The following FAM98B variants were observed in gnomAD, a reference collection of about 807,000 sequenced individuals.
The protein encoded by FAM98B is tRNA splicing ligase complex subunit 3B.
In FAM98B, 32 loss-of-function variants were observed where a neutral mutation model predicts 43.9. That is an observed-to-expected ratio of 0.73 (90% CI 0.55 to 0.98). FAM98B has a LOEUF of 0.98. FAM98B is among the 50% of genes least tolerant of loss of function. The pLI is 0.00. For missense variants in FAM98B, 514 were observed against 522.9 expected (o/e 0.98, Z 0.17); for synonymous variants, 190 against 174.0 (o/e 1.09, Z -0.72).
chr15:38,475,540 C>G (rs1043030412), intron 6 of FAM98B, among the ~76,000 whole-genome samples: 1 of 152,154 alleles, frequency 6.6e-6, no homozygotes, highest in Admixed American at 6.5e-5. Context: ...TTGGCTTCAT[C>G]TCCTCTCTTC....
rs1336762107 is a variant in FAM98B, at chr15:38,454,138, C to A, written c.-24C>A. ...GTTTCCGGCGGGCTACTTAGAGCGC[C>A]GAACAGCTCTGGGCCAAAGGACCAT... is the stretch of plus-strand genomic sequence containing the variant. On this transcript the variant is annotated 5_prime_UTR_variant, in exon 1 of 8. Transcript: ENST00000397609. The A allele has an allele frequency of 1.9e-6, 3 of 1,583,068 alleles. No individual in the cohort carries two copies. Among genetic ancestry groups the A allele is most frequent in the African/African-American group, 2.7e-5 (2 of 74,724 alleles).
At chr15:38,456,955 G>A (rs1193575553) in intron 1 of FAM98B, among the ~76,000 whole-genome samples, 1 of 152,186 alleles carries the variant, frequency 6.6e-6, no homozygotes, top group Non-Finnish European at 1.5e-5. Context: ...TTTTATTCTT[G>A]ATCATAACAG....
rs1219670438 is a variant in FAM98B at position 38,484,462 on chromosome 15, G to A, written c.1105G>A (p.Gly369Ser). ...WGGGGGGWGG[G>S]GGGGGGWGGG... is the part of the protein sequence containing the mutation. ...GGGTGGAGGAGGAGGTTGGGGAGGT[G>A]GTGGGGGAGGGGGAGGAGGGTGGGG... The change falls in exon 8 of 8, where the codon GGT becomes AGT. Residue 369 changes from glycine (G) to serine (S), a missense_variant. Physicochemically the swap from Gly to Ser is moderately conservative, Grantham distance 56. Coordinates refer to ENST00000397609, the MANE Select transcript of FAM98B (RefSeq NM_173611.4). 23 of 983,992 alleles carry A rather than the reference G, an allele frequency of 2.3e-5. No homozygotes were observed. The highest frequency in any genetic ancestry group is 4.6e-4 in the Middle Eastern group (1 of 2,182). The allele number at this position is 983,992 out of a possible 1,614,324, so 61.0% of individuals were successfully genotyped here.
intron 5 of FAM98B, among the ~76,000 whole-genome samples, chr15:38,473,879 T>C (rs1351719318): frequency 6.6e-6 from 1 of 152,222 alleles, no homozygotes; most frequent in Non-Finnish European, 1.5e-5. Flanking sequence ...CTTTCCTTGT[T>C]GGTCCAGACT....
chr15:38,465,475 A>T, intron 3 of FAM98B, 72 bp downstream of exon 3: 6 of 1,362,978 alleles, frequency 4.4e-6, no homozygotes, highest in Non-Finnish European at 4.0e-6. Context: ...AGATTTATTA[A>T]TGAAGCATTA....
At position 38,465,400 on chromosome 15, in the gene FAM98B, C is replaced by G. The variant is rs141889281; in HGVS notation, c.349C>G (p.Leu117Val). ...LKKKEDCLKL[L>V]LFLSTELQAS... ...AAAGAAGGAGGACTGTTTGAAACTT[C>G]TATGTAAGTTATCTTGAACATTTAA... The change falls in exon 3 of 8, where the codon CTA becomes GTA. Residue 117 changes from leucine to valine, a missense_variant. Transcript: ENST00000397609. 2.5e-6 allele frequency: 4 copies of G among 1,583,122 alleles called. No homozygotes were observed. Among genetic ancestry groups the G allele is most frequent in the Non-Finnish European group, 3.4e-6 (4 of 1,167,160 alleles).
intron 5 of FAM98B, among the ~76,000 whole-genome samples, chr15:38,473,873 C>A (rs2141058829): frequency 6.6e-6 from 1 of 152,262 alleles, no homozygotes; most frequent in South Asian, 2.1e-4. Flanking sequence ...TATTTTCTTT[C>A]CTTGTTGGTC....
At chr15:38,454,936 G>A (rs1889825511) in intron 1 of FAM98B, among the ~76,000 whole-genome samples, 1 of 152,142 alleles carries the variant, frequency 6.6e-6, no homozygotes, top group Admixed American at 6.5e-5. Flanking sequence ...GGAGGTGGGA[G>A]TAATGTTAAT....
At chr15:38,470,483 C>A (rs1194823240) in intron 4 of FAM98B, 78 bp downstream of exon 4, 3 of 1,281,942 alleles carry the variant, frequency 2.3e-6, no homozygotes, top group Non-Finnish European at 3.2e-6. Flanking sequence ...TGAAACTATT[C>A]CCTATAATTA....
At chr15:38,475,210 G>A (rs1416381091) in intron 6 of FAM98B, among the ~76,000 whole-genome samples, 1 of 152,062 alleles carries the variant, frequency 6.6e-6, no homozygotes, top group South Asian at 2.1e-4. Context: ...GGGTTGGGGG[G>A]CAGGGCGATG....
At chr15:38,464,799 G>T (rs1890003751) in intron 2 of FAM98B, among the ~76,000 whole-genome samples, 1 of 152,118 alleles carries the variant, frequency 6.6e-6, no homozygotes, top group African/African-American at 2.4e-5. Context: ...ATGGGGTCTT[G>T]TTATGTTGCA....
intron 1 of FAM98B, among the ~76,000 whole-genome samples, chr15:38,461,814 CTT>C (rs1459556565): frequency 6.6e-6 from 1 of 152,018 alleles, no homozygotes; most frequent in African/African-American, 2.4e-5. Flanking sequence ...AGTTTGACAA[CTT>C]TGATGAATTA....
Position 38,464,735 on chromosome 15 carries a change from G to T in FAM98B, c.218-534G>T, listed in dbSNP as rs1460114947. Among the ~76,000 whole-genome samples, 4 of 152,074 alleles carry T rather than the reference G, an allele frequency of 2.6e-5. No individual in the cohort carries two copies. The East Asian group carries it at 7.7e-4, about 29-fold the overall frequency. ...ATAATAAAAAGAAAAATTAAAAATT[G>T]TGCATTCACAAAAGTAGCTTTTTCT... is the stretch of plus-strand genomic sequence containing the variant. On this transcript the variant is annotated intron_variant, in intron 2 of 7. Coordinates refer to ENST00000397609, the MANE Select transcript of FAM98B (RefSeq NM_173611.4).
At chr15:38,470,430 C>A in intron 4 of FAM98B, 25 bp downstream of exon 4, 1 of 1,555,530 alleles carries the variant, frequency 6.4e-7, no homozygotes, top group Non-Finnish European at 8.7e-7. Flanking sequence ...TTATTTTCCC[C>A]AAAATTCAAC....
rs1436897299 is a variant in FAM98B, at chr15:38,481,448, G to T, written c.886G>T (p.Ala296Ser). The change falls in exon 7 of 8, where the codon GCC becomes TCC. Residue 296 changes from alanine to serine, a missense_variant. Physicochemically the swap from Ala to Ser is moderately conservative, Grantham distance 99 (BLOSUM62 1). Transcript: ENST00000397609. ...CACCAGCCGGGAGAAGACCGCATGTGCCATTAATAAGGTTGGTGTTTCTTT... is the reference window on the plus strand; with the variant it reads ...CACCAGCCGGGAGAAGACCGCATGTTCCATTAATAAGGTTGGTGTTTCTTT... ...SGTSREKTAC[A>S]INKVLMGRVP... The T allele has an allele frequency of 1.2e-6, 2 of 1,614,206 alleles. No individual in the cohort carries two copies. The highest frequency in any genetic ancestry group is 1.6e-4 in the Middle Eastern group (1 of 6,062).
intron 6 of FAM98B, among the ~76,000 whole-genome samples, chr15:38,479,918 G>A (rs1162537590): frequency 1.3e-5 from 2 of 151,976 alleles, no homozygotes; most frequent in African/African-American, 2.4e-5. Context: ...AGACTAACTT[G>A]TTTTGTCTGT....
intron 1 of FAM98B, chr15:38,458,726 G>T: frequency 3.1e-6 from 1 of 319,306 alleles, no homozygotes; most frequent in South Asian, 3.0e-5. Flanking sequence ...TTACTGGGAT[G>T]ACCACTGCTT....
At chr15:38,481,253 G>C (rs1309558254) in intron 6 of FAM98B, 39 bp from the exon 7 acceptor site, 3 of 1,523,404 alleles carry the variant, frequency 2.0e-6, no homozygotes, top group Non-Finnish European at 9.1e-7. Flanking sequence ...TCATTAAAAT[G>C]TACTTTTGTT....
chr15:38,484,822 T>C lies in FAM98B; in HGVS notation c.*163T>C. On this transcript the variant is annotated 3_prime_UTR_variant, in exon 8 of 8. Coordinates refer to ENST00000397609, the MANE Select transcript of FAM98B (RefSeq NM_173611.4). ...AATATGTAAGAACATTGTTTTTTAT[T>C]ACCAGTTGATCTCTCAAATGAAGTG... 9.3e-7 allele frequency: 1 copy of C among 1,078,330 alleles called. No individual in the cohort carries two copies. Among genetic ancestry groups the C allele is most frequent in the South Asian group, 2.4e-5 (1 of 42,420 alleles). The allele number at this position is 1,078,330 out of a possible 1,614,324, so 66.8% of individuals were successfully genotyped here.
Sources: gnomAD v4.1 joint callset for allele counts (sites outside exome capture counted in the v4.1 genomes callset) on GRCh38, gnomAD v4.1.1 for gene constraint, MANE v1.5 for transcripts, NCBI Gene and HGNC (gene_info 2026-07-23, HGNC 2026-07-21) for gene names.